SPATA22: variants seen among roughly 807,000 people sequenced by gnomAD.
The protein encoded by SPATA22 is spermatogenesis-associated protein 22.
In SPATA22, 29 loss-of-function variants were observed where a neutral mutation model predicts 47.8. That is an observed-to-expected ratio of 0.61 (90% CI 0.45 to 0.83). The LOEUF (loss-of-function observed/expected upper bound fraction) is 0.83. SPATA22 is among the 40% of genes least tolerant of loss of function. The probability of loss-of-function intolerance (pLI) is 0.00; values close to 1 mark genes in which losing one functional copy is unlikely to be tolerated. For missense variants in SPATA22, 410 were observed against 421.7 expected, an observed-to-expected ratio of 0.97 and a Z score of 0.24; for synonymous variants, 133 against 140.9, an observed-to-expected ratio of 0.94 and a Z score of 0.40.
At chr17:3,473,024 G>A (rs2073467591), upstream of SPATA22, among the ~76,000 whole-genome samples, 1 of 151,100 alleles carries the variant, frequency 6.6e-6, no homozygotes, top group African/African-American at 2.4e-5. Context: ...AAGCTTCAGG[G>A]AAGCAGATTT....
chr17:3,504,068 T>C (rs1226464111), intron 1 of SPATA22, among the ~76,000 whole-genome samples: 2 of 152,112 alleles, frequency 1.3e-5, no homozygotes, highest in Admixed American at 6.6e-5. Flanking sequence ...TTACATAGAC[T>C]GACTCCCCTA....
chr17:3,494,542 G>A (rs912948680), intron 1 of SPATA22: 23 of 1,136,272 alleles, frequency 2.0e-5, no homozygotes, highest in African/African-American at 1.2e-4. Context: ...ACAGCACTTC[G>A]CGTACATTCG....
rs1427557646 is a variant in SPATA22, at chr17:3,440,201, G to A, written c.1038C>T (p.Val346=). 3.7e-6 allele frequency: 6 copies of A among 1,609,032 alleles called. No individual in the cohort carries two copies. Among genetic ancestry groups the A allele is most frequent in the Non-Finnish European group, 5.1e-6 (6 of 1,177,940 alleles). ...ACTGCATCTCAACATCTGCAATTTT[G>A]ACAAATGCCTGGAAAGTTTTTTGTT... is the stretch of plus-strand genomic sequence containing the variant. ...VSEQKTFQAF[V]KIADVEMQYY... The change falls in exon 9 of 9, where the codon GTC becomes GTT. Residue 346 remains valine (V), a synonymous_variant. Transcript: ENST00000572969.
At position 3,485,427 on chromosome 17, in the gene SPATA22, C is replaced by T. The variant is rs1425483580; in HGVS notation, c.-73-16029G>A. Among the ~76,000 whole-genome samples the T allele has an allele frequency of 6.6e-6, 1 of 152,144 alleles. No individual in the cohort carries two copies. Among genetic ancestry groups the T allele is most frequent in the Non-Finnish European group, 1.5e-5 (1 of 68,028 alleles). On this transcript the variant is annotated intron_variant, in intron 1 of 8. Transcript: ENST00000541913. The surrounding 1 kb of genome is among the most constrained non-coding windows in gnomAD (Gnocchi z 4.4). ...TAAAATACTAGCCAACCAGGAGAAT[C>T]GCTTGAACCCCGGAGGTGGAGGTTG...
At chr17:3,464,898 T>TCAGCCCCCCACCCGGC (rs2073249440) in intron 3 of SPATA22, among the ~76,000 whole-genome samples, 2 of 56,190 alleles carry the variant, frequency 3.6e-5, no homozygotes, top group African/African-American at 1.1e-4. Context: ...TGGGGGGGGG[T>TCAGCCCCCCACCCGGC]CAGCCCCCCA....
At chr17:3,473,740 C>T (rs1443548849), upstream of SPATA22, among the ~76,000 whole-genome samples, 6 of 152,052 alleles carry the variant, frequency 3.9e-5, no homozygotes, top group Admixed American at 6.6e-5. Flanking sequence ...TTAGGTGATC[C>T]GCCCACCTCG....
intron 5 of SPATA22, among the ~76,000 whole-genome samples, chr17:3,461,986 A>T (rs1052163738): frequency 6.6e-6 from 1 of 152,178 alleles, no homozygotes; most frequent in Non-Finnish European, 1.5e-5. Context: ...CTTTTTGACC[A>T]GCTTCTTCAT....
intron 3 of SPATA22, among the ~76,000 whole-genome samples, chr17:3,465,039 G>A (rs1236243835): frequency 3.8e-5 from 5 of 131,154 alleles, no homozygotes; most frequent in African/African-American, 1.4e-4. Flanking sequence ...CCCCCAGCCC[G>A]GCCAGCCGCC....
chr17:3,507,673 C>T (rs927805943), intron 1 of SPATA22, among the ~76,000 whole-genome samples: 4 of 152,198 alleles, frequency 2.6e-5, no homozygotes, highest in African/African-American at 9.7e-5. Context: ...CTCCAAGTCT[C>T]GATTTCCCTA....
chr17:3,446,673 G>T, intron 6 of SPATA22, 72 bp from the exon 7 acceptor site: 1 of 1,228,438 alleles, frequency 8.1e-7, no homozygotes, highest in Non-Finnish European at 1.1e-6. Flanking sequence ...TACCTTCTAC[G>T]TAAAAATTCT....
At position 3,467,463 on chromosome 17, in the gene SPATA22, G is replaced by T. The variant is rs763161511; in HGVS notation, c.135C>A (p.Thr45=). The change falls in exon 3 of 9, where the codon ACC becomes ACA. Residue 45 remains threonine, a synonymous_variant. Coordinates refer to ENST00000572969, the MANE Select transcript of SPATA22 (RefSeq NM_001170698.2). ...GAGGAAAATCATAATTGTCAGAAGG[G>T]GTACTGATACCTGAATCATCTTTAA... The part of the protein sequence containing the change: ...NPLKDDSGIS[T]PSDNYDFPPL... 6 of 1,607,276 alleles carry T rather than the reference G, an allele frequency of 3.7e-6. No homozygotes were observed. Among genetic ancestry groups the T allele is most frequent in the South Asian group, 2.2e-5 (2 of 89,438 alleles).
At chr17:3,448,672 C>A in intron 6 of SPATA22, 135 bp downstream of exon 6, 1 of 644,168 alleles carries the variant, frequency 1.6e-6, no homozygotes, top group South Asian at 2.5e-5. Context: ...TTCAATGGAA[C>A]TGAATATTTA....
Position 3,446,526 on chromosome 17 carries a change from T to G in SPATA22, c.748A>C (p.Met250Leu). The G allele has an allele frequency of 1.2e-6, 2 of 1,609,982 alleles. No individual in the cohort carries two copies. Among genetic ancestry groups the G allele is most frequent in the Non-Finnish European group, 8.5e-7 (1 of 1,178,112 alleles). The change falls in exon 7 of 9, where the codon ATG (methionine) becomes CTG (leucine). Residue 250 changes from methionine to leucine, a missense_variant. By Grantham distance (15) the Met-to-Leu change is conservative. Coordinates refer to ENST00000572969, the MANE Select transcript of SPATA22 (RefSeq NM_001170698.2). ...LRIISAVIES[M>L]KYWREHAQKT... ...TGTGCATGTTCACGCCAATACTTCATGCTTTCAATAACTGCAGAAATAATT... is the reference window on the plus strand; with the variant it reads ...TGTGCATGTTCACGCCAATACTTCAGGCTTTCAATAACTGCAGAAATAATT...
At chr17:3,443,703 T>C (rs895483493) in intron 7 of SPATA22, among the ~76,000 whole-genome samples, 3 of 152,036 alleles carry the variant, frequency 2.0e-5, no homozygotes, top group Non-Finnish European at 4.4e-5. Context: ...TTCAACTTAC[T>C]AATATTTTGT....
chr17:3,462,796 A>C, intron 3 of SPATA22, 29 bp from the exon 4 acceptor site: 1 of 1,509,496 alleles, frequency 6.6e-7, no homozygotes, highest in Non-Finnish European at 9.2e-7. Context: ...CATAGATAAA[A>C]GTAAGATAGG....
chr17:3,454,381 T>C (rs895335154), intron 5 of SPATA22, among the ~76,000 whole-genome samples: 13 of 152,076 alleles, frequency 8.5e-5, no homozygotes, highest in African/African-American at 2.7e-4. Context: ...ACATGTGCCA[T>C]GCTGGTGTGC....
intron 3 of SPATA22, among the ~76,000 whole-genome samples, chr17:3,465,797 CA>C (rs1041751392): frequency 1.5e-5 from 1 of 67,836 alleles, no homozygotes; most frequent in African/African-American, 3.8e-5. Context: ...ATTTAAAAAA[CA>C]AAAAAAAACA....
chr17:3,474,504 G>A (rs116145405), upstream of SPATA22, among the ~76,000 whole-genome samples: 133 of 152,286 alleles, frequency 8.7e-4, no homozygotes, highest in African/African-American at 3.1e-3. Context: ...TTACTTTTAC[G>A]TGTGTTTTCA....
At chr17:3,511,540 C>T (rs1401015378) in intron 1 of SPATA22, 1 of 152,214 alleles carries the variant, frequency 6.6e-6, no homozygotes, top group Non-Finnish European at 1.5e-5. Flanking sequence ...TATGGCTTCC[C>T]TTGGTAAACC....
Sources: allele counts gnomAD v4.1 joint callset (sites outside exome capture counted in the v4.1 genomes callset), GRCh38; gene constraint gnomAD v4.1.1; non-coding constraint Gnocchi (gnomAD v3.1); transcripts MANE v1.5; gene names NCBI Gene and HGNC (gene_info 2026-07-23, HGNC 2026-07-21).